Variants in INO80D observed in about 807,000 individuals in gnomAD.
The protein encoded by INO80D is INO80 complex subunit D.
INO80D carries 21 observed loss-of-function variants against 87.6 expected under a neutral mutation model. That is an observed-to-expected ratio of 0.24 (90% confidence interval 0.17 to 0.35). INO80D has a LOEUF of 0.35. Ranked by LOEUF, INO80D falls within the 10% of genes least tolerant of loss-of-function variation. INO80D has a pLI of 1.00. For synonymous variants in INO80D, 440 were observed against 491.0 expected, an observed-to-expected ratio of 0.90 and a Z score of 1.37; for missense variants, 982 against 1,280.7, an observed-to-expected ratio of 0.77 and a Z score of 3.56.
intron 5 of INO80D, among the ~76,000 whole-genome samples, chr2:206,037,204 T>C (rs1688916926): frequency 6.6e-6 from 1 of 152,174 alleles, no homozygotes; most frequent in African/African-American, 2.4e-5. Context: ...AGTAACAATA[T>C]AAATACAGAT....
chr2:206,083,116 T>G (rs1484662086), intron 1 of INO80D, among the ~76,000 whole-genome samples: 1 of 152,216 alleles, frequency 6.6e-6, no homozygotes, highest in Non-Finnish European at 1.5e-5. Context: ...AAATGGAATG[T>G]AACTTTTAAA....
intron 3 of INO80D, among the ~76,000 whole-genome samples, chr2:206,061,252 T>A (rs1308291344): frequency 1.3e-5 from 2 of 151,378 alleles, no homozygotes; most frequent in Non-Finnish European, 3.0e-5. Context: ...GCTCAAGCGA[T>A]CCACCGCCTT....
At position 206,025,542 on chromosome 2, in the gene INO80D, A is replaced by AAAAATAT. The variant is rs71301548; in HGVS notation, c.1298+2568_1298+2569insATATTTT. On this transcript the variant is annotated intron_variant, in intron 6 of 10. Coordinates refer to ENST00000403263, the MANE Select transcript of INO80D (RefSeq NM_017759.5). ...AAACTCCATCTCAAAAAAAAAAAAA[A>AAAAATAT]ATATATATATATATATATATATATA... 36 of 76,942 alleles carry AAAAATAT rather than the reference A, an allele frequency of 4.7e-4. 1 individual carries two copies. Among genetic ancestry groups the AAAAATAT allele is most frequent in the African/African-American group, 1.1e-3 (26 of 22,950 alleles). 4.8% of individuals were successfully genotyped at this position (76,942 alleles called of 1,614,324 possible). A position where few individuals can be genotyped will look rare whatever the true frequency, so the allele number is the denominator to read the frequency against.
intron 5 of INO80D, among the ~76,000 whole-genome samples, chr2:206,042,400 A>C (rs1689072407): frequency 6.6e-6 from 1 of 151,920 alleles, no homozygotes; most frequent in Non-Finnish European, 1.5e-5. Flanking sequence ...AACCAAAAGC[A>C]ATATTAAAAG....
chr2:206,036,586 G>T (rs1420314822), intron 5 of INO80D, among the ~76,000 whole-genome samples: 1 of 152,140 alleles, frequency 6.6e-6, no homozygotes, highest in African/African-American at 2.4e-5. Context: ...TTGGGGGGAA[G>T]GGTGGAAGGG....
At chr2:206,038,085 A>G (rs938752205) in intron 5 of INO80D, among the ~76,000 whole-genome samples, 2 of 152,168 alleles carry the variant, frequency 1.3e-5, no homozygotes, top group African/African-American at 4.8e-5. Flanking sequence ...CAGAAGGGTG[A>G]CGGGGTGGAA....
At chr2:206,025,436 G>A (rs1688580817) in intron 6 of INO80D, among the ~76,000 whole-genome samples, 1 of 149,046 alleles carries the variant, frequency 6.7e-6, no homozygotes, top group South Asian at 2.1e-4. Flanking sequence ...GCTGAGGCAG[G>A]AGAATTGCTT....
At chr2:206,046,405 T>C in intron 5 of INO80D, 99 bp downstream of exon 5, 1 of 778,554 alleles carries the variant, frequency 1.3e-6, no homozygotes, top group South Asian at 1.5e-5. Context: ...TCAGGCTTGG[T>C]GGCAGTAAGC....
At chr2:206,065,877 A>G (rs1360454201) in intron 1 of INO80D, among the ~76,000 whole-genome samples, 1 of 152,198 alleles carries the variant, frequency 6.6e-6, no homozygotes, top group Non-Finnish European at 1.5e-5. Context: ...ATTATCAAAC[A>G]GACAAAAAAT....
At chr2:206,043,739 G>A (rs959144913) in intron 5 of INO80D, among the ~76,000 whole-genome samples, 7 of 135,948 alleles carry the variant, frequency 5.1e-5, no homozygotes, top group African/African-American at 1.4e-4. Context: ...CGCCTGCCTC[G>A]GCCTCCCAAA....
rs545458525 is a variant in INO80D, at chr2:206,061,437, T to TA, written c.218+1361dup. Among the ~76,000 whole-genome samples the TA allele has an allele frequency of 3.0e-4, 45 of 151,690 alleles. 1 individual carries two copies. In the South Asian group the frequency reaches 6.6e-3, roughly 22 times the overall value. Reference sequence around the variant, plus strand: ...AATGTGTTTACGATGGGGCTTGATGTAAAAAAAAATTAATCCAAGCTCATC... The same window carrying TA: ...AATGTGTTTACGATGGGGCTTGATGTAAAAAAAAAATTAATCCAAGCTCATC... On this transcript the variant is annotated intron_variant, in intron 3 of 10. Transcript: ENST00000403263.
At position 206,056,687 on chromosome 2, in the gene INO80D, C is replaced by T. The variant is rs1266640345; in HGVS notation, c.475G>A (p.Asp159Asn). The part of the protein sequence containing the change: ...DPFAFNEEDD[D>N]LKKGATVRKK... Reference sequence around the variant, plus strand: ...CTCACAGTTGCCCCTTTCTTTAGGTCATCATCTTCCTCATTGAAAGCAAAT... The same window carrying T: ...CTCACAGTTGCCCCTTTCTTTAGGTTATCATCTTCCTCATTGAAAGCAAAT... The change falls in exon 4 of 11, where the codon GAC becomes AAC. Residue 159 changes from aspartate to asparagine, a missense_variant. Coordinates refer to ENST00000403263, the MANE Select transcript of INO80D (RefSeq NM_017759.5). 6.2e-7 allele frequency: 1 copy of T among 1,613,508 alleles called. No individual in the cohort carries two copies. The highest frequency in any genetic ancestry group is 8.5e-7 in the Non-Finnish European group (1 of 1,179,784).
At chr2:206,020,639 T>C (rs1019415318) in intron 6 of INO80D, among the ~76,000 whole-genome samples, 4 of 152,186 alleles carry the variant, frequency 2.6e-5, no homozygotes, top group Admixed American at 6.5e-5. Flanking sequence ...ACACTTAATG[T>C]TTAAATATTT....
intron 6 of INO80D, 142 bp downstream of exon 6, chr2:206,027,969 A>T: frequency 2.1e-6 from 1 of 486,900 alleles, no homozygotes; most frequent in Non-Finnish European, 3.5e-6. Context: ...GTAGCACTTT[A>T]ATAAAGCAAG....
intron 6 of INO80D, among the ~76,000 whole-genome samples, chr2:206,021,846 T>G (rs554818254): frequency 6.6e-6 from 1 of 151,908 alleles, no homozygotes; most frequent in South Asian, 2.1e-4. Flanking sequence ...ACTCCTGACC[T>G]CAGGTGATCC....
chr2:206,059,218 T>C (rs1203654765), intron 3 of INO80D, among the ~76,000 whole-genome samples: 2 of 151,930 alleles, frequency 1.3e-5, no homozygotes, highest in Non-Finnish European at 2.9e-5. Context: ...CTGTCTCTAC[T>C]AAAAATACAA....
intron 9 of INO80D, among the ~76,000 whole-genome samples, chr2:206,008,392 T>C (rs1385335863): frequency 6.6e-6 from 1 of 151,754 alleles, no homozygotes; most frequent in Non-Finnish European, 1.5e-5. Flanking sequence ...GCGATTCTTC[T>C]GCCTCAGCCT....
At chr2:206,066,093 C>T (rs116117345) in intron 1 of INO80D, among the ~76,000 whole-genome samples, 11,771 of 151,998 alleles carry the variant, frequency 0.077, 698 homozygotes, top group Admixed American at 0.19. Context: ...AATCCTGTTT[C>T]TCCTAAAAAT....
chr2:206,048,046 G>A lies in INO80D; in HGVS notation c.965-1434C>T, dbSNP rs533581731. Among the ~76,000 whole-genome samples the A allele has an allele frequency of 9.9e-4, 150 of 151,722 alleles. 1 individual carries two copies. The highest frequency in any genetic ancestry group is 3.4e-3 in the African/African-American group (141 of 41,410). On this transcript the variant is annotated intron_variant, in intron 4 of 10. Transcript: ENST00000403263. Reference sequence around the variant, plus strand: ...TTTTTTTTGTATTTTTAGTAGAGACGGGGTTTCACCGTGCTAGCCAGGATG... The same window carrying A: ...TTTTTTTTGTATTTTTAGTAGAGACAGGGTTTCACCGTGCTAGCCAGGATG...
Sources: allele counts gnomAD v4.1 joint callset (sites outside exome capture counted in the v4.1 genomes callset), GRCh38; gene constraint gnomAD v4.1.1; transcripts MANE v1.5; gene names NCBI Gene and HGNC (gene_info 2026-07-23, HGNC 2026-07-21).